The following NCKAP5 variants were observed in gnomAD, a reference collection of about 807,000 sequenced individuals.
NCKAP5 encodes the protein NCK associated protein 5.
In NCKAP5, 92 loss-of-function variants were observed where a neutral mutation model predicts 167.0. That is an observed-to-expected ratio of 0.55 (90% CI 0.47 to 0.66). The LOEUF (loss-of-function observed/expected upper bound fraction) is 0.66, where lower values mean the gene tolerates loss of function less well. NCKAP5 is among the 30% of genes least tolerant of loss of function. NCKAP5 has a pLI of 0.00. For missense variants in NCKAP5, 2,378 were observed against 2,315.0 expected (o/e 1.03, Z -0.56); for synonymous variants, 891 against 877.4 (o/e 1.02, Z -0.27).
chr2:133,569,146 A>T (rs1688756904), upstream of NCKAP5, among the ~76,000 whole-genome samples: 1 of 144,740 alleles, frequency 6.9e-6, no homozygotes, highest in South Asian at 2.4e-4. Context: ...TCTTTCTAAT[A>T]ATCTCACAGA....
At chr2:133,379,618 C>T (rs1472621895) in intron 3 of NCKAP5, among the ~76,000 whole-genome samples, 1 of 152,176 alleles carries the variant, frequency 6.6e-6, no homozygotes, top group African/African-American at 2.4e-5. Context: ...ATGGCCTTCT[C>T]ATTTATTCAC....
chr2:133,655,441 A>G, the NCKAP5 span, among the ~76,000 whole-genome samples: 10 of 152,232 alleles, frequency 6.6e-5, no homozygotes, highest in Non-Finnish European at 1.0e-4. Context: ...AGCCTCGTAC[A>G]TACTTAGGAG....
At chr2:133,151,883 C>T (rs73000836) in intron 5 of NCKAP5, among the ~76,000 whole-genome samples, 1,695 of 152,178 alleles carry the variant, frequency 0.011, 36 homozygotes, top group African/African-American at 0.038. Flanking sequence ...GGGGGGACCT[C>T]ACTTGAGGAC....
At chr2:133,109,574 A>G (rs1172565097) in intron 6 of NCKAP5, among the ~76,000 whole-genome samples, 2 of 152,218 alleles carry the variant, frequency 1.3e-5, no homozygotes, top group African/African-American at 4.8e-5. Context: ...AATTTTTATA[A>G]GAGCTTAAAA....
chr2:133,269,513 G>A (rs1279469435), intron 4 of NCKAP5, among the ~76,000 whole-genome samples: 2 of 152,188 alleles, frequency 1.3e-5, no homozygotes, highest in Non-Finnish European at 2.9e-5. Flanking sequence ...GGAAAAGCAG[G>A]TGTAAGTGGC....
intron 3 of NCKAP5, among the ~76,000 whole-genome samples, chr2:133,459,188 C>T (rs72846371): frequency 0.047 from 7,135 of 152,194 alleles, 256 homozygotes; most frequent in Non-Finnish European, 0.07. Flanking sequence ...CTTCACAAAG[C>T]CAGATTCCAT....
chr2:133,463,966 C>T (rs1038923757), intron 3 of NCKAP5, among the ~76,000 whole-genome samples: 1 of 152,118 alleles, frequency 6.6e-6, no homozygotes, highest in Non-Finnish European at 1.5e-5. Flanking sequence ...TCATGTTAAC[C>T]ATACATTTTG....
At chr2:133,013,298 T>G (rs903702701) in intron 6 of NCKAP5, among the ~76,000 whole-genome samples, 7 of 152,308 alleles carry the variant, frequency 4.6e-5, no homozygotes, top group African/African-American at 1.4e-4. Context: ...GCTCCACACA[T>G]TTTCCACCTT....
intron 4 of NCKAP5, among the ~76,000 whole-genome samples, chr2:133,233,353 A>T (rs1443926492): frequency 6.6e-6 from 1 of 152,196 alleles, no homozygotes; most frequent in Non-Finnish European, 1.5e-5. Flanking sequence ...TTATGCAAGC[A>T]TAAATAGTGT....
At chr2:133,492,428 G>A (rs758711877) in intron 3 of NCKAP5, among the ~76,000 whole-genome samples, 1 of 152,166 alleles carries the variant, frequency 6.6e-6, no homozygotes, top group Non-Finnish European at 1.5e-5. Flanking sequence ...AAGCGGGACT[G>A]TGCCTGTGAT....
chr2:133,129,693 A>T (rs1179667067), intron 6 of NCKAP5, among the ~76,000 whole-genome samples: 1 of 152,242 alleles, frequency 6.6e-6, no homozygotes, highest in Non-Finnish European at 1.5e-5. Flanking sequence ...GGACAAGCCT[A>T]CTGGCTGCAA....
At chr2:133,367,693 C>T (rs553323589) in intron 3 of NCKAP5, among the ~76,000 whole-genome samples, 2 of 152,126 alleles carry the variant, frequency 1.3e-5, no homozygotes, top group Admixed American at 1.3e-4. Flanking sequence ...CCCTAGCAAA[C>T]ATGGAGGCAG....
intron 6 of NCKAP5, among the ~76,000 whole-genome samples, chr2:133,000,865 A>C (rs2077753162): frequency 6.6e-6 from 1 of 151,732 alleles, no homozygotes; most frequent in South Asian, 2.1e-4. Context: ...TAAGTTAAAG[A>C]AGCCACACAC....
Position 133,202,117 on chromosome 2 carries a change from G to T in NCKAP5, c.207+11599C>A, listed in dbSNP as rs555746944. ...AAAAGAACAAAGCTGGAGGCATCATGCTACCTGACTTCAAACTATACTACA... is the reference window on the plus strand; with the variant it reads ...AAAAGAACAAAGCTGGAGGCATCATTCTACCTGACTTCAAACTATACTACA... On this transcript the variant is annotated intron_variant, in intron 5 of 19. Coordinates refer to ENST00000409261, the MANE Select transcript of NCKAP5 (RefSeq NM_207363.3). 6.5e-3 allele frequency among the ~76,000 whole-genome samples: 987 copies of T among 152,084 alleles called. 6 individuals carry two copies. The highest frequency in any genetic ancestry group is 0.011 in the Non-Finnish European group (743 of 67,924).
the NCKAP5 span, among the ~76,000 whole-genome samples, chr2:133,612,103 A>C: frequency 6.6e-6 from 1 of 152,204 alleles, no homozygotes; most frequent in Admixed American, 6.6e-5. Context: ...GATAGGATAC[A>C]ATAGACTTCC....
intron 18 of NCKAP5, 57 bp downstream of exon 18, chr2:132,728,758 CT>C: frequency 1.3e-5 from 21 of 1,584,540 alleles, no homozygotes; most frequent in Non-Finnish European, 1.8e-5. Flanking sequence ...TTAGGGTACA[CT>C]TTTTAGAATC....
chr2:133,461,621 T>C (rs1290567632), intron 3 of NCKAP5, among the ~76,000 whole-genome samples: 1 of 152,134 alleles, frequency 6.6e-6, no homozygotes, highest in East Asian at 1.9e-4. Context: ...TAAAGCTAGG[T>C]TGATGCCCTC....
In NCKAP5 at chr2:132,731,742, G is replaced by A. The variant is rs200314889; in HGVS notation, c.5438C>T (p.Ser1813Phe). The change falls in exon 17 of 20, where the codon TCC (serine) becomes TTC (phenylalanine). Residue 1813 changes from serine (S) to phenylalanine (F), a missense_variant. By Grantham distance (155) the Ser-to-Phe change is radical. Coordinates refer to ENST00000409261, the MANE Select transcript of NCKAP5 (RefSeq NM_207363.3). ...PLQSRLPKPA[S>F]SGKVSSQKQN... ...GTGGGAAATTGGCATTTTACCTGAG[G>A]AAGCTGGTTTGGGGAGGCGGCTCTG... The A allele has an allele frequency of 3.1e-5, 49 of 1,576,808 alleles. No homozygotes were observed. In the East Asian group the frequency reaches 4.6e-4, roughly 15 times the overall value.
intron 8 of NCKAP5, among the ~76,000 whole-genome samples, chr2:132,889,297 A>G (rs1484787767): frequency 2.6e-5 from 4 of 152,292 alleles, no homozygotes; most frequent in Middle Eastern, 3.4e-3. Flanking sequence ...TTAAGCCTCA[A>G]AGTGTTGAGA....
Sources: gnomAD v4.1 joint callset for allele counts (sites outside exome capture counted in the v4.1 genomes callset) on GRCh38, gnomAD v4.1.1 for gene constraint, MANE v1.5 for transcripts, NCBI Gene and HGNC (gene_info 2026-07-23, HGNC 2026-07-21) for gene names.